MAF: variants seen among roughly 807,000 people sequenced by gnomAD.
The protein encoded by MAF is transcription factor Maf.
In MAF, 10 loss-of-function variants were observed where a neutral mutation model predicts 22.0. The ratio of observed to expected loss-of-function variants is 0.45; its 90% CI spans 0.28 to 0.77. The LOEUF is 0.77. Ranked by LOEUF, MAF falls within the 30% of genes least tolerant of loss-of-function variation. MAF has a pLI of 0.12. For synonymous variants in MAF, 337 were observed against 255.8 expected, an observed-to-expected ratio of 1.32 and a Z score of -3.03; for missense variants, 544 against 548.4, an observed-to-expected ratio of 0.99 and a Z score of 0.08.
intron 1 of MAF, 170 bp downstream of exon 1, chr16:79,598,615 G>GGTGTC: frequency 6.0e-6 from 9 of 1,488,198 alleles, no homozygotes; most frequent in Non-Finnish European, 8.0e-6. Flanking sequence ...TGTGTGGTGT[G>GGTGTC]TGCGTGCGGG....
chr16:79,481,232 C>G, the MAF span, among the ~76,000 whole-genome samples: 2 of 86,044 alleles, frequency 2.3e-5, no homozygotes, highest in African/African-American at 3.4e-5. Context: ...CTTTCCACAA[C>G]AGTTTTTTTT....
the MAF span, among the ~76,000 whole-genome samples, chr16:79,567,136 G>A: frequency 6.6e-6 from 1 of 152,184 alleles, no homozygotes; most frequent in Non-Finnish European, 1.5e-5. Context: ...TGGCCAACAT[G>A]GCGAAACCCT....
chr16:79,279,694 A>T, the MAF span, among the ~76,000 whole-genome samples: 1 of 152,120 alleles, frequency 6.6e-6, no homozygotes, highest in African/African-American at 2.4e-5. Flanking sequence ...CTAATGGCAT[A>T]TGTTGCCTCG....
At chr16:79,323,514 AC>A in the MAF span, among the ~76,000 whole-genome samples, 5 of 152,192 alleles carry the variant, frequency 3.3e-5, no homozygotes, top group African/African-American at 1.2e-4. Context: ...AGCTTGCAAG[AC>A]CCATGGAGAC....
the MAF span, among the ~76,000 whole-genome samples, chr16:79,458,770 C>G: frequency 6.6e-6 from 1 of 152,012 alleles, no homozygotes; most frequent in Admixed American, 6.6e-5. Flanking sequence ...GTAATGTAAC[C>G]CTTTGCATTT....
At chr16:79,427,781 T>G in the MAF span, among the ~76,000 whole-genome samples, 1 of 152,188 alleles carries the variant, frequency 6.6e-6, no homozygotes, top group African/African-American at 2.4e-5. Flanking sequence ...GTAATTGCTC[T>G]GCTCGTTGGT....
chr16:79,211,134 C>G, the MAF span, among the ~76,000 whole-genome samples: 1 of 151,920 alleles, frequency 6.6e-6, no homozygotes, highest in South Asian at 2.1e-4. Context: ...GATGATCTGG[C>G]AGCAGCCCCA....
At chr16:79,508,250 G>T in the MAF span, among the ~76,000 whole-genome samples, 1 of 152,190 alleles carries the variant, frequency 6.6e-6, no homozygotes, top group African/African-American at 2.4e-5. Context: ...CGTGGTGTCT[G>T]GATTGGCTGA....
chr16:79,450,386 T>C, the MAF span, among the ~76,000 whole-genome samples: 4 of 152,238 alleles, frequency 2.6e-5, no homozygotes, highest in Non-Finnish European at 5.9e-5. Flanking sequence ...CATCTATCAA[T>C]GTAGACTCTT....
At chr16:79,530,636 AAG>A in the MAF span, among the ~76,000 whole-genome samples, 1 of 152,186 alleles carries the variant, frequency 6.6e-6, no homozygotes, top group Admixed American at 6.5e-5. Context: ...AAATGTTAAG[AAG>A]AGTTTATCTA....
the MAF span, among the ~76,000 whole-genome samples, chr16:79,301,831 T>A: frequency 6.6e-6 from 1 of 152,216 alleles, no homozygotes; most frequent in Non-Finnish European, 1.5e-5. Context: ...TTAATCCCCA[T>A]AATGACCCTG....
At chr16:79,288,190 G>A in the MAF span, among the ~76,000 whole-genome samples, 1 of 152,288 alleles carries the variant, frequency 6.6e-6, no homozygotes, top group African/African-American at 2.4e-5. Flanking sequence ...ATGCTCACAA[G>A]TTCTTTGATG....
chr16:79,536,172 T>C, the MAF span, among the ~76,000 whole-genome samples: 114,581 of 152,142 alleles, frequency 0.75, 45,192 homozygotes, highest in Non-Finnish European at 0.87. Flanking sequence ...AAACTGGTAG[T>C]CAACCTACTT....
At chr16:79,446,816 G>T in the MAF span, among the ~76,000 whole-genome samples, 4 of 151,978 alleles carry the variant, frequency 2.6e-5, no homozygotes, top group African/African-American at 9.7e-5. Context: ...TGCGAGTCAG[G>T]AGGATCACTT....
At chr16:79,537,696 G>C in the MAF span, among the ~76,000 whole-genome samples, 1 of 152,176 alleles carries the variant, frequency 6.6e-6, no homozygotes, top group African/African-American at 2.4e-5. Context: ...GATGCCATGA[G>C]ATCCACCACC....
the MAF span, among the ~76,000 whole-genome samples, chr16:79,267,080 G>A: frequency 6.6e-6 from 1 of 152,170 alleles, no homozygotes; most frequent in Admixed American, 6.5e-5. Flanking sequence ...AATTGCTTAT[G>A]CATGTAATAC....
At chr16:79,293,900 A>G in the MAF span, among the ~76,000 whole-genome samples, 2 of 151,980 alleles carry the variant, frequency 1.3e-5, no homozygotes, top group East Asian at 3.9e-4. Flanking sequence ...CTTTGTCTCT[A>G]TCTGAGAATG....
the MAF span, among the ~76,000 whole-genome samples, chr16:79,439,257 C>CTTTTTTTTTTTTTTTTTTTT: frequency 2.3e-5 from 3 of 130,804 alleles, no homozygotes; most frequent in Non-Finnish European, 4.9e-5. Context: ...TAGGTACTTA[C>CTTTTTTTTTTTTTTTTTTTT]TTTTTTTTTT....
chr16:79,455,950 G>T, the MAF span, among the ~76,000 whole-genome samples: 9,660 of 152,146 alleles, frequency 0.063, 356 homozygotes, highest in Non-Finnish European at 0.086. Flanking sequence ...CCCAGGAGAC[G>T]GAGGTTGCAG....
Sources: allele counts gnomAD v4.1 joint callset (sites outside exome capture counted in the v4.1 genomes callset), GRCh38; gene constraint gnomAD v4.1.1; transcripts MANE v1.5; gene names NCBI Gene and HGNC (gene_info 2026-07-23, HGNC 2026-07-21).